Variants in SSBP3 observed in about 807,000 individuals in gnomAD.
SSBP3 encodes the protein single stranded DNA binding protein 3, also known as single-stranded DNA-binding protein 3.
SSBP3 carries 5 observed loss-of-function variants against 69.6 expected under a neutral mutation model. The ratio of observed to expected loss-of-function variants is 0.07; its 90% CI spans 0.04 to 0.15. The LOEUF (loss-of-function observed/expected upper bound fraction) is 0.15. Among genes scored for constraint, SSBP3 ranks in the 10% least tolerant of loss-of-function variants. The pLI, the probability that SSBP3 is intolerant of heterozygous loss-of-function variation, is 1.00. For missense variants in SSBP3, 312 were observed against 534.0 expected, an observed-to-expected ratio of 0.58 and a Z score of 4.10; for synonymous variants, 196 against 193.4, an observed-to-expected ratio of 1.01 and a Z score of -0.11.
upstream of SSBP3, among the ~76,000 whole-genome samples, chr1:54,407,837 A>C (rs1649886184): frequency 6.6e-6 from 1 of 150,826 alleles, no homozygotes; most frequent in Non-Finnish European, 1.5e-5. Context: ...CGCACCAAAC[A>C]ATTAAAGGAT....
rs141021883 is a variant in SSBP3, at chr1:54,334,435, A to G, written c.277-52908T>C. On this transcript the variant is annotated intron_variant, in intron 4 of 17. Coordinates refer to ENST00000610401, the Ensembl canonical transcript of SSBP3. ...TATAAAGACTCTGCCAGCAAGCTAAATGCTGTCATTTCCTTCAGTGTTTCT... is the reference window on the plus strand; with the variant it reads ...TATAAAGACTCTGCCAGCAAGCTAAGTGCTGTCATTTCCTTCAGTGTTTCT... 9.9e-3 allele frequency among the ~76,000 whole-genome samples: 1,507 copies of G among 152,324 alleles called. 17 individuals carry two copies. Among genetic ancestry groups the G allele is most frequent in the Non-Finnish European group, 0.016 (1,102 of 68,032 alleles).
chr1:54,278,839 A>G (rs938717833), intron 5 of SSBP3, among the ~76,000 whole-genome samples: 6 of 152,256 alleles, frequency 3.9e-5, no homozygotes, highest in Non-Finnish European at 8.8e-5. Context: ...AATCCTCGAT[A>G]CCATCTCTAT....
At chr1:54,282,641 G>A (rs932894567) in intron 4 of SSBP3, among the ~76,000 whole-genome samples, 5 of 152,184 alleles carry the variant, frequency 3.3e-5, no homozygotes, top group South Asian at 2.1e-4. Flanking sequence ...CACAGGCGGG[G>A]CGGGGCGAGG....
intron 5 of SSBP3, among the ~76,000 whole-genome samples, chr1:54,260,120 C>G (rs931344833): frequency 6.6e-6 from 1 of 152,128 alleles, no homozygotes; most frequent in Non-Finnish European, 1.5e-5. Flanking sequence ...ATATTTGCAC[C>G]TGCAAGTCTT....
chr1:54,407,635 C>T (rs1037438380), upstream of SSBP3, among the ~76,000 whole-genome samples: 1 of 151,874 alleles, frequency 6.6e-6, no homozygotes, highest in Non-Finnish European at 1.5e-5. Context: ...TGTGATAAAA[C>T]ACTGTCGGCA....
Position 54,330,889 on chromosome 1 carries a change from T to C in SSBP3, c.277-49362A>G, listed in dbSNP as rs141774578. On this transcript the variant is annotated intron_variant, in intron 4 of 17. Coordinates refer to ENST00000610401, the Ensembl canonical transcript of SSBP3. ...CACCACCGTGGGTGCAGATCACTGC[T>C]CCTGGTGCCAGGGAGCAGGGATCCC... Among the ~76,000 whole-genome samples, 410 of 152,258 alleles carry C rather than the reference T, an allele frequency of 2.7e-3. 4 individuals carry two copies. Among genetic ancestry groups the C allele is most frequent in the African/African-American group, 9.0e-3 (373 of 41,544 alleles).
chr1:54,334,041 GCAAGACCCTCTCT>G lies in SSBP3; in HGVS notation c.277-52527_277-52515del. Among the ~76,000 whole-genome samples, 3 of 152,256 alleles carry G rather than the reference GCAAGACCCTCTCT, an allele frequency of 2.0e-5. No individual in the cohort carries two copies. The South Asian group carries it at 6.2e-4, about 32-fold the overall frequency. ...ACTGCACTCCAGCTTGGGAGACAGA[GCAAGACCCTCTCT>G]CAAAAATAAATAAAATAGGCCTGGC... On this transcript the variant is annotated intron_variant, in intron 4 of 17. Coordinates refer to ENST00000610401, the Ensembl canonical transcript of SSBP3.
At chr1:54,412,024 C>T (rs978175092) in intron 1 of SSBP3, among the ~76,000 whole-genome samples, 3 of 152,306 alleles carry the variant, frequency 2.0e-5, no homozygotes, top group East Asian at 3.9e-4. Flanking sequence ...TTCTCTCAGC[C>T]TGGGACCAGC....
intron 4 of SSBP3, among the ~76,000 whole-genome samples, chr1:54,322,293 A>G (rs763230661): frequency 6.6e-6 from 1 of 152,202 alleles, no homozygotes; most frequent in Non-Finnish European, 1.5e-5. Context: ...GATTCATCGC[A>G]GCACTGCTGG....
At chr1:54,298,737 C>T (rs2100987632) in intron 4 of SSBP3, among the ~76,000 whole-genome samples, 1 of 152,258 alleles carries the variant, frequency 6.6e-6, no homozygotes, top group East Asian at 1.9e-4. Flanking sequence ...CCACAAGGAG[C>T]TACACTGCGG....
At chr1:54,280,839 C>T (rs1487615649) in intron 5 of SSBP3, among the ~76,000 whole-genome samples, 2 of 152,146 alleles carry the variant, frequency 1.3e-5, no homozygotes, top group Non-Finnish European at 2.9e-5. Context: ...ACTCTCGACC[C>T]ACGTGGGATC....
At position 54,258,001 on chromosome 1, in the gene SSBP3, C is replaced by A; in HGVS notation, c.447+68G>T. Reference sequence around the variant, plus strand: ...GAGCACATTTTGATTTTTGTTTTTCCTCTGCGGGCTCTCTGCTTCCTCCGC... The same window carrying A: ...GAGCACATTTTGATTTTTGTTTTTCATCTGCGGGCTCTCTGCTTCCTCCGC... On this transcript the variant is annotated intron_variant, in intron 6 of 17. Coordinates refer to ENST00000610401, the Ensembl canonical transcript of SSBP3. This position sits in a 1 kb window ranked among gnomAD's most constrained non-coding sequence, Gnocchi z 4.5. The A allele has an allele frequency of 1.4e-6, 2 of 1,460,684 alleles. No homozygotes were observed. Among genetic ancestry groups the A allele is most frequent in the South Asian group, 1.3e-5 (1 of 78,306 alleles). The allele number at this position is 1,460,684 out of a possible 1,614,324, so 90.5% of individuals were successfully genotyped here. A position where few individuals can be genotyped will look rare whatever the true frequency, so the allele number is the denominator to read the frequency against.
intron 4 of SSBP3, among the ~76,000 whole-genome samples, chr1:54,333,179 C>T (rs991891867): frequency 1.3e-5 from 2 of 152,172 alleles, no homozygotes; most frequent in African/African-American, 4.8e-5. Context: ...CAGCCAGCTA[C>T]GTGGGTGTGC....
intron 4 of SSBP3, among the ~76,000 whole-genome samples, chr1:54,358,054 G>A (rs1158577501): frequency 1.3e-5 from 2 of 152,208 alleles, no homozygotes; most frequent in Non-Finnish European, 2.9e-5. Flanking sequence ...GCCCTCTGCA[G>A]CATCTGGGAC....
At chr1:54,235,345 G>A (rs1570203050) in intron 14 of SSBP3, among the ~76,000 whole-genome samples, 1 of 140,464 alleles carries the variant, frequency 7.1e-6, no homozygotes, top group East Asian at 2.1e-4. Context: ...GCAATGGCAC[G>A]ATCTCTGCTC....
chr1:54,284,103 CTTTTTTTTT>C (rs5774181), intron 4 of SSBP3, among the ~76,000 whole-genome samples: 7 of 87,618 alleles, frequency 8.0e-5, no homozygotes, highest in African/African-American at 2.0e-4. Context: ...TATTTAACCA[CTTTTTTTTT>C]TTTTTTTTTT....
At chr1:54,338,340 T>C (rs1310153902) in intron 4 of SSBP3, among the ~76,000 whole-genome samples, 3 of 152,238 alleles carry the variant, frequency 2.0e-5, no homozygotes, top group African/African-American at 7.2e-5. Context: ...TGAGGGACAA[T>C]ACCTTATTCT....
At chr1:54,325,304 G>A (rs1646281274) in intron 4 of SSBP3, 1 of 166,942 alleles carries the variant, frequency 6.0e-6, no homozygotes, top group African/African-American at 2.4e-5. Context: ...TGAGAACCAT[G>A]TTAACCAACA....
upstream of SSBP3, among the ~76,000 whole-genome samples, chr1:54,406,572 C>T (rs1228085192): frequency 5.3e-5 from 8 of 151,766 alleles, no homozygotes; most frequent in Admixed American, 6.6e-5. Context: ...CTCCGCGGAG[C>T]CGCTGCCTGC....
Sources: gnomAD v4.1 joint callset for allele counts (sites outside exome capture counted in the v4.1 genomes callset) on GRCh38, gnomAD v4.1.1 for gene constraint, Gnocchi (gnomAD v3.1) non-coding constraint, MANE v1.5 for transcripts, NCBI Gene and HGNC (gene_info 2026-07-23, HGNC 2026-07-21) for gene names.